AFDN: variants seen among roughly 807,000 people sequenced by gnomAD.
AFDN encodes the protein afadin, adherens junction formation factor.
Under a neutral mutation model 216.6 loss-of-function variants are expected in AFDN, and 68 were observed. The ratio of observed to expected loss-of-function variants is 0.31; its 90% CI spans 0.26 to 0.38. AFDN has a LOEUF of 0.38. Among genes scored for constraint, AFDN ranks in the 10% least tolerant of loss-of-function variants. The pLI is 1.00. For synonymous variants in AFDN, 868 were observed against 853.7 expected (o/e 1.02, Z -0.29); for missense variants, 2,136 against 2,342.0 (o/e 0.91, Z 1.82).
chr6:167,884,918 A>C (rs768974981), intron 6 of AFDN, among the ~76,000 whole-genome samples: 10 of 152,164 alleles, frequency 6.6e-5, no homozygotes, highest in Non-Finnish European at 1.2e-4. Flanking sequence ...TTTCATCTTC[A>C]TTGAAAATCT....
At chr6:167,855,317 G>A (rs1228475333) in intron 1 of AFDN, among the ~76,000 whole-genome samples, 1 of 152,034 alleles carries the variant, frequency 6.6e-6, no homozygotes, top group African/African-American at 2.4e-5. Context: ...GAGCCAAGTT[G>A]TCTCCTGCCT....
At chr6:167,897,794 G>A (rs539229113) in intron 10 of AFDN, among the ~76,000 whole-genome samples, 3 of 151,808 alleles carry the variant, frequency 2.0e-5, no homozygotes, top group Non-Finnish European at 4.4e-5. Flanking sequence ...TTACAGGCAC[G>A]CGCCACCACG....
intron 5 of AFDN, among the ~76,000 whole-genome samples, chr6:167,879,579 A>G (rs1785853368): frequency 6.6e-6 from 1 of 152,226 alleles, no homozygotes. Flanking sequence ...TTCAGGTTAT[A>G]TTAATCTTGG....
At chr6:167,891,796 T>TATTA (rs1787649500) in intron 8 of AFDN, among the ~76,000 whole-genome samples, 1 of 152,188 alleles carries the variant, frequency 6.6e-6, no homozygotes, top group Non-Finnish European at 1.5e-5. Flanking sequence ...CATTATTAAA[T>TATTA]GCTATTATGT....
In AFDN at chr6:167,837,896, A is replaced by G. The variant is rs576436381; in HGVS notation, c.105+10659A>G. 7.2e-5 allele frequency among the ~76,000 whole-genome samples: 11 copies of G among 152,346 alleles called. No individual in the cohort carries two copies. In the South Asian group the frequency reaches 1.9e-3, roughly 26 times the overall value. ...TATCCAAGTAGAAAATTTGGAATGTAATTTTCAGGAAGAACCACAGGCATA... is the reference window on the plus strand; with the variant it reads ...TATCCAAGTAGAAAATTTGGAATGTGATTTTCAGGAAGAACCACAGGCATA... On this transcript the variant is annotated intron_variant, in intron 1 of 33. Transcript: ENST00000683244.
At chr6:167,826,663 G>C (rs1299916027), upstream of AFDN, 1 of 476,346 alleles carries the variant, frequency 2.1e-6, no homozygotes, top group African/African-American at 2.0e-5. Flanking sequence ...ACCTAGCACC[G>C]CTGGTCGGGA....
At chr6:167,960,138 T>C (rs1055335868) in intron 30 of AFDN, among the ~76,000 whole-genome samples, 2 of 152,312 alleles carry the variant, frequency 1.3e-5, no homozygotes, top group Non-Finnish European at 2.9e-5. Flanking sequence ...CATTAATGCT[T>C]TGTGAATGGT....
In AFDN at chr6:167,859,071, G is replaced by GTTT. The variant is rs933336720; in HGVS notation, c.106-5463_106-5461dup. 3.1e-3 allele frequency among the ~76,000 whole-genome samples: 337 copies of GTTT among 109,018 alleles called. 3 individuals are homozygous for GTTT. The highest frequency in any genetic ancestry group is 9.9e-3 in the African/African-American group (302 of 30,420). 71.5% of individuals were successfully genotyped at this position (109,018 alleles called of 152,430 possible). A position where few individuals can be genotyped will look rare whatever the true frequency, so the allele number is the denominator to read the frequency against. ...GTGAAGAAATTTTATGGCCGTTCTT[G>GTTT]TTTTTTTTTTTTTTTTTTTCTTTTT... On this transcript the variant is annotated intron_variant, in intron 1 of 33. Transcript: ENST00000683244.
intron 4 of AFDN, among the ~76,000 whole-genome samples, chr6:167,873,130 G>A (rs1038268823): frequency 4.6e-5 from 7 of 151,998 alleles, no homozygotes; most frequent in Non-Finnish European, 7.4e-5. Flanking sequence ...TTACTTTTCC[G>A]TAATCAAATA....
At chr6:167,924,964 C>A (rs1792317610) in intron 22 of AFDN, 41 bp from the exon 23 acceptor site, 1 of 1,402,220 alleles carries the variant, frequency 7.1e-7, no homozygotes, top group Non-Finnish European at 1.0e-6. Flanking sequence ...AGAAGCACTT[C>A]CATTTCAGTC....
chr6:167,931,161 A>G (rs1008634865), intron 23 of AFDN, among the ~76,000 whole-genome samples: 2 of 152,180 alleles, frequency 1.3e-5, no homozygotes, highest in Admixed American at 1.3e-4. Flanking sequence ...GTTGAATGGC[A>G]GTTTTTGGAT....
chr6:167,895,678 A>G (rs796214489), intron 9 of AFDN, among the ~76,000 whole-genome samples: 12 of 152,314 alleles, frequency 7.9e-5, no homozygotes, highest in African/African-American at 2.9e-4. Context: ...GTGAGAGTTT[A>G]GCGGTACCAC....
At chr6:167,840,569 GAT>G (rs1177906283) in intron 1 of AFDN, among the ~76,000 whole-genome samples, 7 of 152,242 alleles carry the variant, frequency 4.6e-5, no homozygotes, top group African/African-American at 1.7e-4. Context: ...CTCACAGAAT[GAT>G]ATGTTATTGT....
At chr6:167,896,273 A>T (rs1788237337) in intron 9 of AFDN, among the ~76,000 whole-genome samples, 2 of 151,436 alleles carry the variant, frequency 1.3e-5, no homozygotes, top group Non-Finnish European at 2.9e-5. Context: ...CTCCAGTTCT[A>T]CTCCAGGGAG....
At chr6:167,839,806 G>A (rs910286557) in intron 1 of AFDN, among the ~76,000 whole-genome samples, 6 of 152,200 alleles carry the variant, frequency 3.9e-5, no homozygotes, top group African/African-American at 1.4e-4. Flanking sequence ...AAAAATGGCA[G>A]TAGTATGGTA....
intron 2 of AFDN, among the ~76,000 whole-genome samples, chr6:167,868,826 C>T (rs1308414209): frequency 3.4e-5 from 5 of 147,882 alleles, no homozygotes; most frequent in South Asian, 4.3e-4. Flanking sequence ...GCAGTGGTGC[C>T]GTCACAGTTC....
intron 1 of AFDN, among the ~76,000 whole-genome samples, chr6:167,854,325 T>C (rs1782657491): frequency 6.6e-6 from 1 of 152,072 alleles, no homozygotes; most frequent in African/African-American, 2.4e-5. Context: ...ACTCTTTATC[T>C]GTTAAAGAAA....
At chr6:167,827,849 T>G (rs6900911) in intron 1 of AFDN, 55,532 of 152,076 alleles carry the variant, frequency 0.37, 10,439 homozygotes, top group East Asian at 0.59. Flanking sequence ...AAGGGCCCTC[T>G]GCGGCGGCCT....
chr6:167,946,373 T>C lies in AFDN; in HGVS notation c.3359-334T>C, dbSNP rs185970747. ...CGCTGGGCGATTAAAAGTTCAGATA[T>C]TTTTCTACAAAGTCAGGGAAACATA... On this transcript the variant is annotated intron_variant, in intron 26 of 33. Transcript: ENST00000683244. 6.6e-5 allele frequency among the ~76,000 whole-genome samples: 10 copies of C among 152,176 alleles called. No individual in the cohort carries two copies. In the East Asian group the frequency reaches 1.9e-3, roughly 29 times the overall value.
Sources: allele counts gnomAD v4.1 joint callset (sites outside exome capture counted in the v4.1 genomes callset), GRCh38; gene constraint gnomAD v4.1.1; transcripts MANE v1.5; gene names NCBI Gene and HGNC (gene_info 2026-07-23, HGNC 2026-07-21).